Variants in CHCHD6 observed in about 807,000 individuals in gnomAD.
CHCHD6 encodes the protein MICOS complex subunit MIC25.
Under a neutral mutation model 32.3 loss-of-function variants are expected in CHCHD6, and 28 were observed. That is an observed-to-expected ratio of 0.87 (90% CI 0.64 to 1.19). The LOEUF (loss-of-function observed/expected upper bound fraction) is 1.19, where lower values mean the gene tolerates loss of function less well. Ranked by LOEUF, CHCHD6 falls within the 50% of genes most tolerant of loss-of-function variation. The pLI, the probability that CHCHD6 is intolerant of heterozygous loss-of-function variation, is 0.00. For synonymous variants in CHCHD6, 122 were observed against 117.5 expected (o/e 1.04, Z -0.25); for missense variants, 333 against 307.0 (o/e 1.08, Z -0.63).
intron 5 of CHCHD6, among the ~76,000 whole-genome samples, chr3:126,896,760 A>T (rs9847836): frequency 0.022 from 3,390 of 152,236 alleles, 131 homozygotes; most frequent in African/African-American, 0.077. Flanking sequence ...GAGGGGCAGG[A>T]GTGGGCTAGC....
chr3:126,917,584 A>G (rs764978695), intron 6 of CHCHD6, among the ~76,000 whole-genome samples: 1 of 152,244 alleles, frequency 6.6e-6, no homozygotes, highest in Non-Finnish European at 1.5e-5. Context: ...GATTCCACAT[A>G]GAAAGTAGAC....
chr3:126,855,620 C>T (rs569438906), intron 5 of CHCHD6, among the ~76,000 whole-genome samples: 5 of 152,310 alleles, frequency 3.3e-5, no homozygotes, highest in Admixed American at 3.3e-4. Context: ...GAAGCCTTCT[C>T]TCTGGGCTGC....
intron 5 of CHCHD6, among the ~76,000 whole-genome samples, chr3:126,882,265 T>G (rs1308801938): frequency 6.6e-6 from 1 of 152,180 alleles, no homozygotes; most frequent in African/African-American, 2.4e-5. Flanking sequence ...TGGACCTCCC[T>G]CTCCGCCTTG....
chr3:126,709,751 T>C (rs1050025630), intron 1 of CHCHD6, among the ~76,000 whole-genome samples: 1 of 152,260 alleles, frequency 6.6e-6, no homozygotes, highest in African/African-American at 2.4e-5. Context: ...CTAATGATGT[T>C]GAGCGTCTCT....
chr3:126,798,145 G>A (rs1938885039), intron 4 of CHCHD6, among the ~76,000 whole-genome samples: 2 of 152,284 alleles, frequency 1.3e-5, no homozygotes, highest in South Asian at 4.1e-4. Flanking sequence ...AGGTTCTGCG[G>A]GGGGATGAGC....
At chr3:126,930,619 T>A (rs1396042841) in intron 6 of CHCHD6, among the ~76,000 whole-genome samples, 1 of 152,238 alleles carries the variant, frequency 6.6e-6, no homozygotes, top group Non-Finnish European at 1.5e-5. Flanking sequence ...ATCCTGGCTG[T>A]GCCTCTCACT....
At chr3:126,806,293 C>A (rs138946506) in intron 4 of CHCHD6, among the ~76,000 whole-genome samples, 53,519 of 151,882 alleles carry the variant, frequency 0.35, 11,560 homozygotes, top group African/African-American at 0.61. Context: ...AATTTTCGCA[C>A]CCTACTCATC....
chr3:126,719,133 C>T (rs374887484), intron 1 of CHCHD6, among the ~76,000 whole-genome samples: 1 of 152,188 alleles, frequency 6.6e-6, no homozygotes, highest in African/African-American at 2.4e-5. Context: ...AGGGCTCATA[C>T]GGTCTAGCCT....
chr3:126,855,411 G>A (rs966507911), intron 5 of CHCHD6, among the ~76,000 whole-genome samples: 1 of 152,214 alleles, frequency 6.6e-6, no homozygotes, highest in Admixed American at 6.5e-5. Context: ...ACCTGTAAAA[G>A]TGTTGGTGCG....
intron 4 of CHCHD6, among the ~76,000 whole-genome samples, chr3:126,819,256 G>C (rs1047339593): frequency 6.6e-6 from 1 of 152,172 alleles, no homozygotes; most frequent in African/African-American, 2.4e-5. Context: ...CAGCCACCCA[G>C]GAGTGCACAG....
intron 4 of CHCHD6, chr3:126,766,533 G>A: frequency 1.1e-6 from 1 of 894,980 alleles, no homozygotes; most frequent in African/African-American, 1.6e-5. Flanking sequence ...AGTAGCCCAT[G>A]GTGACCTCTG....
At chr3:126,903,971 C>G (rs562142543) in intron 5 of CHCHD6, among the ~76,000 whole-genome samples, 6 of 152,326 alleles carry the variant, frequency 3.9e-5, no homozygotes, top group African/African-American at 1.4e-4. Flanking sequence ...TGAGATTTAC[C>G]TTTCACGTAC....
chr3:126,863,413 A>T (rs371230516), intron 5 of CHCHD6, among the ~76,000 whole-genome samples: 3 of 119,940 alleles, frequency 2.5e-5, no homozygotes, highest in East Asian at 2.7e-4. Flanking sequence ...CTCCTCTACC[A>T]TCATCACCTC....
intron 4 of CHCHD6, among the ~76,000 whole-genome samples, chr3:126,826,390 C>G (rs1940392969): frequency 6.6e-6 from 1 of 152,032 alleles, no homozygotes; most frequent in African/African-American, 2.4e-5. Flanking sequence ...CAGCAAGGAC[C>G]CAGGAGGAAG....
intron 4 of CHCHD6, among the ~76,000 whole-genome samples, chr3:126,752,947 C>T (rs1443590546): frequency 6.6e-6 from 1 of 152,102 alleles, no homozygotes; most frequent in Non-Finnish European, 1.5e-5. Flanking sequence ...CCTCGTAAGT[C>T]ACATTGTTTG....
At chr3:126,799,676 T>C (rs981205342) in intron 4 of CHCHD6, among the ~76,000 whole-genome samples, 9 of 152,178 alleles carry the variant, frequency 5.9e-5, no homozygotes, top group African/African-American at 1.9e-4. Context: ...ATAGCTACAG[T>C]CTGCTTGGGG....
chr3:126,880,474 G>C (rs1379278488), intron 5 of CHCHD6, among the ~76,000 whole-genome samples: 1 of 152,062 alleles, frequency 6.6e-6, no homozygotes, highest in Non-Finnish European at 1.5e-5. Flanking sequence ...CAAAGACAGA[G>C]TCACCCTGCT....
intron 6 of CHCHD6, among the ~76,000 whole-genome samples, chr3:126,922,517 A>G (rs992103799): frequency 2.6e-5 from 4 of 152,132 alleles, no homozygotes; most frequent in African/African-American, 9.7e-5. Context: ...TGAGATACGT[A>G]TCTCTCAGAA....
At chr3:126,890,466 C>T (rs1353813639) in intron 5 of CHCHD6, among the ~76,000 whole-genome samples, 5 of 152,038 alleles carry the variant, frequency 3.3e-5, no homozygotes, top group African/African-American at 1.2e-4. Flanking sequence ...TCCATTAGAC[C>T]CACTGATGGA....
Sources: allele counts gnomAD v4.1 joint callset (sites outside exome capture counted in the v4.1 genomes callset), GRCh38; gene constraint gnomAD v4.1.1; transcripts MANE v1.5; gene names NCBI Gene and HGNC (gene_info 2026-07-23, HGNC 2026-07-21).